SCIN: variants seen among roughly 807,000 people sequenced by gnomAD.
SCIN encodes the protein adseverin.
In SCIN, 91 loss-of-function variants were observed where a neutral mutation model predicts 91.8. That is an observed-to-expected ratio of 0.99 (90% CI 0.84 to 1.18). The LOEUF is 1.18. Among genes scored for constraint, SCIN ranks in the 50% most tolerant of loss-of-function variants. SCIN has a pLI of 0.00. For synonymous variants in SCIN, 367 were observed against 312.6 expected, an observed-to-expected ratio of 1.17 and a Z score of -1.84; for missense variants, 1,087 against 863.9, an observed-to-expected ratio of 1.26 and a Z score of -3.24.
chr7:12,611,506 A>G (rs929067529), intron 4 of SCIN, among the ~76,000 whole-genome samples: 2 of 152,204 alleles, frequency 1.3e-5, no homozygotes, highest in Non-Finnish European at 2.9e-5. Context: ...ATAGTTGTAC[A>G]TTTAAATAAA....
At position 12,570,939 on chromosome 7, in the gene SCIN, G is replaced by A. The variant is rs1283975289; in HGVS notation, c.153G>A (p.Thr51=). The change falls in exon 1 of 16, where the codon ACG becomes ACA. Residue 51 remains threonine, a synonymous_variant. Transcript: ENST00000297029. ...GGGATGCCTACCTGGTGCTGCACACGGCCAAGACGAGCCGAGGCTTCACCT... is the reference window on the plus strand; with the variant it reads ...GGGATGCCTACCTGGTGCTGCACACAGCCAAGACGAGCCGAGGCTTCACCT... ...YVGDAYLVLH[T]AKTSRGFTYH... 6.4e-7 allele frequency: 1 copy of A among 1,551,392 alleles called. No homozygotes were observed. The highest frequency in any genetic ancestry group is 8.7e-7 in the Non-Finnish European group (1 of 1,146,936).
At chr7:12,635,744 G>A (rs2708656) in intron 9 of SCIN, among the ~76,000 whole-genome samples, 120,038 of 151,248 alleles carry the variant, frequency 0.79, 47,654 homozygotes, top group Admixed American at 0.84. Flanking sequence ...TTTCTAAAAA[G>A]CAGGCAGCTC....
At chr7:12,626,349 G>C in intron 7 of SCIN, 1 of 497,094 alleles carries the variant, frequency 2.0e-6, no homozygotes, top group East Asian at 3.5e-5. Flanking sequence ...TATGTAGAAA[G>C]ACAAACTTAT....
rs1009361480 is a variant in SCIN, at chr7:12,658,746, A to G, written c.*6031A>G. 7.9e-5 allele frequency: 12 copies of G among 152,168 alleles called. No individual in the cohort carries two copies. Among genetic ancestry groups the G allele is most frequent in the African/African-American group, 2.9e-4 (12 of 41,428 alleles). The allele number at this position is 152,168 out of a possible 1,614,324, so 9.4% of individuals were successfully genotyped here. ...GTGGGAAGGAGTCCTCAAGGTATTA[A>G]TATACATCCTATCATTTATTTTAGA... On this transcript the variant is annotated 3_prime_UTR_variant, in exon 16 of 16. Coordinates refer to ENST00000297029, the MANE Select transcript of SCIN (RefSeq NM_001112706.3).
Position 12,658,500 on chromosome 7 carries a change from A to T in SCIN, c.*5785A>T, listed in dbSNP as rs1303203014. On this transcript the variant is annotated 3_prime_UTR_variant, in exon 16 of 16. Coordinates refer to ENST00000297029, the MANE Select transcript of SCIN (RefSeq NM_001112706.3). ...TTCAGTAACACAATGCCTTCTGAGA[A>T]ACAATGTTGTTCCACATTTTAGAGT... 6.6e-6 allele frequency: 1 copy of T among 152,212 alleles called. No individual in the cohort carries two copies. The highest frequency in any genetic ancestry group is 1.5e-5 in the Non-Finnish European group (1 of 68,038). 9.4% of individuals were successfully genotyped at this position (152,212 alleles called of 1,614,324 possible).
In SCIN at chr7:12,652,528, G is replaced by C. The variant is rs1784100576; in HGVS notation, c.2021-60G>C. On this transcript the variant is annotated intron_variant, in intron 15 of 15. Transcript: ENST00000297029. Reference sequence around the variant, plus strand: ...CTTTTATTCGAAGAATTTTCAATCTGCAGTTACTTTAGTTTAACCCAAACT... The same window carrying C: ...CTTTTATTCGAAGAATTTTCAATCTCCAGTTACTTTAGTTTAACCCAAACT... The C allele has an allele frequency of 3.4e-6, 5 of 1,453,008 alleles. No homozygotes were observed. The African/African-American group carries it at 4.3e-5, about 13-fold the overall frequency. The allele number at this position is 1,453,008 out of a possible 1,614,324, so 90.0% of individuals were successfully genotyped here.
At chr7:12,628,606 G>A (rs145047361) in intron 8 of SCIN, among the ~76,000 whole-genome samples, 25 of 152,280 alleles carry the variant, frequency 1.6e-4, no homozygotes, top group African/African-American at 5.3e-4. Context: ...AACATACATT[G>A]TGGAGGGACT....
At chr7:12,652,396 C>T (rs1215015062) in intron 15 of SCIN, among the ~76,000 whole-genome samples, 192 bp from the exon 16 acceptor site, 2 of 152,152 alleles carry the variant, frequency 1.3e-5, no homozygotes, top group Non-Finnish European at 2.9e-5. Flanking sequence ...TATTTGTCTA[C>T]CTGGTCAATG....
intron 11 of SCIN, among the ~76,000 whole-genome samples, chr7:12,642,433 G>T (rs1393937910): frequency 6.6e-6 from 1 of 151,912 alleles, no homozygotes; most frequent in Non-Finnish European, 1.5e-5. Flanking sequence ...TTTAAAAACT[G>T]TGTCTTGACC....
chr7:12,634,772 G>T (rs1335915449), intron 9 of SCIN, among the ~76,000 whole-genome samples: 5 of 152,136 alleles, frequency 3.3e-5, no homozygotes, highest in African/African-American at 1.2e-4. Flanking sequence ...ACAGGTTAAG[G>T]TGACACAGAG....
chr7:12,608,926 C>G (rs1164421356), intron 4 of SCIN, among the ~76,000 whole-genome samples: 3 of 152,182 alleles, frequency 2.0e-5, no homozygotes, highest in Non-Finnish European at 4.4e-5. Flanking sequence ...TTTCATTACT[C>G]TGTATTGAGT....
intron 9 of SCIN, among the ~76,000 whole-genome samples, chr7:12,635,404 G>A (rs976344097): frequency 2.6e-5 from 4 of 151,362 alleles, no homozygotes; most frequent in Non-Finnish European, 5.9e-5. Flanking sequence ...GAGGTCAGGA[G>A]TTTGAAACCA....
At position 12,581,047 on chromosome 7, in the gene SCIN, C is replaced by A. The variant is rs1356742087; in HGVS notation, c.355-13C>A. On this transcript the variant is annotated splice_polypyrimidine_tract_variant and intron_variant, in intron 2 of 15. Coordinates refer to ENST00000297029, the MANE Select transcript of SCIN (RefSeq NM_001112706.3). Reference sequence around the variant, plus strand: ...CTTTGTTTTTTGTGTGTCTGTCTTCCCTCATTCATCAGGCTGGAGGCGTGG... The same window carrying A: ...CTTTGTTTTTTGTGTGTCTGTCTTCACTCATTCATCAGGCTGGAGGCGTGG... The A allele has an allele frequency of 1.9e-5, 29 of 1,549,136 alleles. No individual in the cohort carries two copies. The highest frequency in any genetic ancestry group is 2.4e-5 in the Non-Finnish European group (27 of 1,145,664).
rs1562643011 is a variant in SCIN, at chr7:12,658,678, C to G, written c.*5963C>G. ...TACAGAAAGGTGATGCCAAGACTCT[C>G]TTGTATGATTTTCCTCTCTAGCTTG... On this transcript the variant is annotated 3_prime_UTR_variant, in exon 16 of 16. Coordinates refer to ENST00000297029, the MANE Select transcript of SCIN (RefSeq NM_001112706.3). 1.3e-5 allele frequency: 2 copies of G among 152,158 alleles called. No homozygotes were observed. The highest frequency in any genetic ancestry group is 2.9e-5 in the Non-Finnish European group (2 of 68,028). 9.4% of individuals were successfully genotyped at this position (152,158 alleles called of 1,614,324 possible).
chr7:12,605,809 A>C (rs1325211307), intron 4 of SCIN, among the ~76,000 whole-genome samples: 1 of 152,210 alleles, frequency 6.6e-6, no homozygotes, highest in Non-Finnish European at 1.5e-5. Flanking sequence ...AAAATATTTC[A>C]ATCATTTTAA....
intron 1 of SCIN, chr7:12,577,485 T>G (rs1467335402): frequency 2.2e-6 from 1 of 455,238 alleles, no homozygotes; most frequent in East Asian, 6.9e-5. Flanking sequence ...TGGAATAGAT[T>G]GTTTTATCTT....
chr7:12,573,070 A>T (rs1782301131), intron 1 of SCIN, among the ~76,000 whole-genome samples: 1 of 152,160 alleles, frequency 6.6e-6, no homozygotes, highest in African/African-American at 2.4e-5. Flanking sequence ...GAGAGAAAAA[A>T]AGCTTCAAGT....
intron 10 of SCIN, 110 bp from the exon 11 acceptor site, chr7:12,640,237 T>A: frequency 5.3e-6 from 5 of 944,752 alleles, no homozygotes; most frequent in Non-Finnish European, 7.3e-6. Context: ...CTTGACTTTT[T>A]ATTTTTTGTT....
intron 3 of SCIN, among the ~76,000 whole-genome samples, chr7:12,583,371 C>G (rs939958497): frequency 5.9e-5 from 9 of 152,166 alleles, no homozygotes; most frequent in Non-Finnish European, 8.8e-5. Flanking sequence ...AGTTATCATC[C>G]CAGTTTCAAA....
Sources: gnomAD v4.1 joint callset for allele counts (sites outside exome capture counted in the v4.1 genomes callset) on GRCh38, gnomAD v4.1.1 for gene constraint, MANE v1.5 for transcripts, NCBI Gene and HGNC (gene_info 2026-07-23, HGNC 2026-07-21) for gene names.